The following FHIT variants were observed in gnomAD, a reference collection of about 807,000 sequenced individuals.
FHIT encodes the protein bis(5'-adenosyl)-triphosphatase.
Under a neutral mutation model 17.9 loss-of-function variants are expected in FHIT, and 19 were observed. The observed-to-expected ratio is 1.06, with a 90% CI of 0.74 to 1.56. The LOEUF (loss-of-function observed/expected upper bound fraction) is 1.56. FHIT is among the 40% of genes most tolerant of loss of function. The pLI is 0.00. For synonymous variants in FHIT, 81 were observed against 69.7 expected (o/e 1.16, Z -0.81); for missense variants, 248 against 189.2 (o/e 1.31, Z -1.82).
chr3:60,473,628 C>G (rs2033197727), intron 5 of FHIT, among the ~76,000 whole-genome samples: 1 of 152,088 alleles, frequency 6.6e-6, no homozygotes, highest in South Asian at 2.1e-4. Flanking sequence ...CACATGAAAA[C>G]TTAACCTCAG....
chr3:60,764,269 A>G (rs1553720840), intron 4 of FHIT, among the ~76,000 whole-genome samples: 1 of 151,866 alleles, frequency 6.6e-6, no homozygotes, highest in Non-Finnish European at 1.5e-5. Flanking sequence ...ACACACACAT[A>G]TACTAGACAC....
At chr3:60,667,116 C>T (rs2040400326) in intron 4 of FHIT, among the ~76,000 whole-genome samples, 2 of 147,906 alleles carry the variant, frequency 1.4e-5, no homozygotes, top group Admixed American at 6.8e-5. Flanking sequence ...AGCAATATGG[C>T]CACCTCAGCC....
intron 5 of FHIT, among the ~76,000 whole-genome samples, chr3:60,329,564 T>C (rs1709863380): frequency 6.6e-6 from 1 of 152,184 alleles, no homozygotes; most frequent in South Asian, 2.1e-4. Context: ...TGTGGAACAA[T>C]CTATAGCATG....
chr3:59,877,335 T>A (rs1703208915), intron 8 of FHIT, among the ~76,000 whole-genome samples: 1 of 152,228 alleles, frequency 6.6e-6, no homozygotes, highest in South Asian at 2.1e-4. Flanking sequence ...TGGTTTGTCA[T>A]AAATGACTGT....
At position 60,976,096 on chromosome 3, in the gene FHIT, C is replaced by CTTT. The variant is rs869239307; in HGVS notation, c.-111+65948_-111+65950dup. The stretch of plus-strand genomic sequence containing the variant: ...CTTTGTATCTTTCGTTTTTCTTTTT[C>CTTT]TTTTTTTTTTTTTTTTTTTTTTTTT... On this transcript the variant is annotated intron_variant, in intron 3 of 9. Coordinates refer to ENST00000492590, the MANE Select transcript of FHIT (RefSeq NM_002012.4). Among the ~76,000 whole-genome samples, 28 of 66,788 alleles carry CTTT rather than the reference C, an allele frequency of 4.2e-4. 1 individual carries two copies. The highest frequency in any genetic ancestry group is 1.1e-3 in the Admixed American group (5 of 4,648). 43.8% of individuals were successfully genotyped at this position (66,788 alleles called of 152,430 possible).
chr3:60,392,032 A>G (rs1418236622), intron 5 of FHIT, among the ~76,000 whole-genome samples: 1 of 152,022 alleles, frequency 6.6e-6, no homozygotes, highest in African/African-American at 2.4e-5. Flanking sequence ...ATTACTTAAT[A>G]TTTATCACAT....
intron 1 of FHIT, among the ~76,000 whole-genome samples, chr3:61,247,277 T>G (rs961337927): frequency 2.0e-5 from 3 of 152,198 alleles, no homozygotes; most frequent in Non-Finnish European, 4.4e-5. Flanking sequence ...GCATCACTTC[T>G]TTTCAGTAAC....
At chr3:60,275,589 A>C (rs2107635788) in intron 5 of FHIT, among the ~76,000 whole-genome samples, 1 of 152,312 alleles carries the variant, frequency 6.6e-6, no homozygotes, top group Non-Finnish European at 1.5e-5. Flanking sequence ...TCCACTACAC[A>C]GAAACCTGAG....
intron 2 of FHIT, among the ~76,000 whole-genome samples, chr3:61,180,361 T>C (rs2038300680): frequency 6.6e-6 from 1 of 152,230 alleles, no homozygotes; most frequent in African/African-American, 2.4e-5. Context: ...ACAATTGATA[T>C]GTTTTTAGAA....
chr3:60,633,312 C>G (rs1195052867), intron 4 of FHIT, among the ~76,000 whole-genome samples: 1 of 152,112 alleles, frequency 6.6e-6, no homozygotes, highest in Non-Finnish European at 1.5e-5. Flanking sequence ...AGATTTCCTA[C>G]CTGTATAAGA....
intron 5 of FHIT, among the ~76,000 whole-genome samples, chr3:60,342,855 A>G (rs1710593968): frequency 6.6e-6 from 1 of 152,188 alleles, no homozygotes; most frequent in Admixed American, 6.6e-5. Context: ...TTTTTAAGCA[A>G]GTTCTATCAT....
intron 2 of FHIT, among the ~76,000 whole-genome samples, chr3:61,143,332 T>C (rs11716189): frequency 6.6e-6 from 1 of 152,056 alleles, no homozygotes; most frequent in Non-Finnish European, 1.5e-5. Context: ...TATGTTTATA[T>C]GTATGTATAA....
intron 5 of FHIT, among the ~76,000 whole-genome samples, chr3:60,219,347 T>G (rs1314836466): frequency 6.6e-6 from 1 of 152,140 alleles, no homozygotes; most frequent in Non-Finnish European, 1.5e-5. Flanking sequence ...GTTCAATATC[T>G]ATTTCATCTG....
intron 7 of FHIT, among the ~76,000 whole-genome samples, chr3:59,955,421 T>C (rs1455391390): frequency 2.6e-5 from 4 of 152,144 alleles, no homozygotes; most frequent in Non-Finnish European, 5.9e-5. Flanking sequence ...CAATTCTATA[T>C]CCTCTTATCT....
At chr3:60,315,904 C>T (rs1007394763) in intron 5 of FHIT, among the ~76,000 whole-genome samples, 4 of 152,120 alleles carry the variant, frequency 2.6e-5, no homozygotes, top group Non-Finnish European at 4.4e-5. Context: ...ATCTGGGCCA[C>T]GTTATCATTG....
chr3:59,820,602 TTG>T (rs1700753741), intron 8 of FHIT, among the ~76,000 whole-genome samples: 1 of 152,226 alleles, frequency 6.6e-6, no homozygotes, highest in Admixed American at 6.5e-5. Context: ...TGTTTATATA[TTG>T]TCTTTGGCTG....
intron 4 of FHIT, among the ~76,000 whole-genome samples, chr3:60,785,796 G>A (rs868967377): frequency 2.0e-5 from 3 of 152,020 alleles, no homozygotes; most frequent in Non-Finnish European, 4.4e-5. Context: ...AAGAAGATGG[G>A]TGCTGTAGGA....
At chr3:60,361,207 G>T (rs1328031499) in intron 5 of FHIT, among the ~76,000 whole-genome samples, 1 of 152,168 alleles carries the variant, frequency 6.6e-6, no homozygotes, top group Non-Finnish European at 1.5e-5. Context: ...GTGGGGAGAA[G>T]TAAACAGATA....
At chr3:59,820,507 G>A (rs1174290241) in intron 8 of FHIT, among the ~76,000 whole-genome samples, 1 of 152,172 alleles carries the variant, frequency 6.6e-6, no homozygotes, top group African/African-American at 2.4e-5. Context: ...AGAACAGGAT[G>A]GGACAAACTA....
Sources: allele counts gnomAD v4.1 joint callset (sites outside exome capture counted in the v4.1 genomes callset), GRCh38; gene constraint gnomAD v4.1.1; transcripts MANE v1.5; gene names NCBI Gene and HGNC (gene_info 2026-07-23, HGNC 2026-07-21).